RIC8B: variants seen among roughly 807,000 people sequenced by gnomAD.
The protein encoded by RIC8B is chaperone Ric-8B.
A neutral mutation model predicts 57.5 loss-of-function variants in RIC8B; 16 were observed. The observed-to-expected ratio is 0.28, with a 90% CI of 0.19 to 0.42. The LOEUF (loss-of-function observed/expected upper bound fraction) is 0.42, where lower values mean the gene tolerates loss of function less well. Among genes scored for constraint, RIC8B ranks in the 10% least tolerant of loss-of-function variants. The pLI, the probability that RIC8B is intolerant of heterozygous loss-of-function variation, is 1.00. For missense variants in RIC8B, 481 were observed against 677.0 expected, an observed-to-expected ratio of 0.71 and a Z score of 3.21; for synonymous variants, 216 against 250.8, an observed-to-expected ratio of 0.86 and a Z score of 1.31.
At chr12:106,783,898 A>G (rs2043879963) in intron 1 of RIC8B, 99 bp from the exon 2 acceptor site, 2 of 1,101,478 alleles carry the variant, frequency 1.8e-6, no homozygotes, top group Admixed American at 2.1e-5. Flanking sequence ...GGAAGGCAAC[A>G]TTTTTTACAG....
chr12:106,821,922 C>A (rs2045859929), intron 3 of RIC8B, among the ~76,000 whole-genome samples: 1 of 151,026 alleles, frequency 6.6e-6, no homozygotes, highest in Non-Finnish European at 1.5e-5. Flanking sequence ...ACTAAAAATA[C>A]AAAAAATTAG....
At chr12:106,816,750 A>G (rs1051070237) in intron 3 of RIC8B, among the ~76,000 whole-genome samples, 2 of 152,204 alleles carry the variant, frequency 1.3e-5, no homozygotes, top group Admixed American at 1.3e-4. Flanking sequence ...TATTTATGAG[A>G]TGGATGATAG....
At chr12:106,782,503 T>C (rs1368080800) in intron 1 of RIC8B, among the ~76,000 whole-genome samples, 1 of 152,216 alleles carries the variant, frequency 6.6e-6, no homozygotes, top group Admixed American at 6.5e-5. Flanking sequence ...CAAAATGTTC[T>C]ACCAGAATGC....
At chr12:106,874,602 G>A in intron 9 of RIC8B, 4 of 1,455,372 alleles carry the variant, frequency 2.7e-6, no homozygotes, top group East Asian at 2.5e-5. Context: ...TGAGCCTGGT[G>A]TAGGGTATAG....
At position 106,797,127 on chromosome 12, in the gene RIC8B, T is replaced by C. The variant is rs548567289; in HGVS notation, c.132+13083T>C. Among the ~76,000 whole-genome samples the C allele has an allele frequency of 2.0e-5, 3 of 152,292 alleles. No homozygotes were observed. In the South Asian group the frequency reaches 6.2e-4, roughly 32 times the overall value. On this transcript the variant is annotated intron_variant, in intron 2 of 9. Coordinates refer to ENST00000392837, the MANE Select transcript of RIC8B (RefSeq NM_001330145.2). ...GTGGATCCTCAAAAGGTTGAATAAT[T>C]ACCATATGACCCAGCAGTTGTACTC... is the stretch of plus-strand genomic sequence containing the variant.
chr12:106,775,399 C>T (rs1566019169), intron 1 of RIC8B: 1 of 455,910 alleles, frequency 2.2e-6, no homozygotes, highest in Non-Finnish European at 4.4e-6. Flanking sequence ...GCTGAAATCA[C>T]GCCCAAGGTC....
intron 2 of RIC8B, among the ~76,000 whole-genome samples, chr12:106,793,585 G>A (rs1007125761): frequency 1.3e-5 from 2 of 152,206 alleles, no homozygotes; most frequent in African/African-American, 2.4e-5. Context: ...GGATCTGTTT[G>A]TGGAGCAATT....
At chr12:106,806,190 G>A (rs1433825983) in intron 2 of RIC8B, among the ~76,000 whole-genome samples, 1 of 152,040 alleles carries the variant, frequency 6.6e-6, no homozygotes, top group African/African-American at 2.4e-5. Flanking sequence ...CAGGTGATCC[G>A]CCCACCTCGG....
At chr12:106,833,877 GTTCTCACTCTGTGATCACTC>G (rs1281632960) in intron 4 of RIC8B, among the ~76,000 whole-genome samples, 7 of 152,218 alleles carry the variant, frequency 4.6e-5, no homozygotes, top group Admixed American at 4.6e-4. Flanking sequence ...TAACAAGTGA[GTTCTCACTCTGTGATCACTC>G]GAGATCTAGC....
intron 2 of RIC8B, among the ~76,000 whole-genome samples, chr12:106,813,327 A>G (rs2045422821): frequency 6.6e-6 from 1 of 151,294 alleles, no homozygotes; most frequent in African/African-American, 2.4e-5. Flanking sequence ...AGTAGCTGAG[A>G]TTACAGGCAC....
At chr12:106,860,622 C>G (rs1403564178) in intron 8 of RIC8B, among the ~76,000 whole-genome samples, 1 of 152,092 alleles carries the variant, frequency 6.6e-6, no homozygotes, top group Non-Finnish European at 1.5e-5. Flanking sequence ...ATGATATTTT[C>G]AACGTACTTA....
intron 7 of RIC8B, among the ~76,000 whole-genome samples, chr12:106,859,403 A>G (rs925558968): frequency 2.6e-5 from 4 of 152,120 alleles, no homozygotes; most frequent in African/African-American, 9.6e-5. Context: ...TGTTGGCAGG[A>G]TAATACTTTC....
rs527688348 is a variant in RIC8B, at chr12:106,886,328, A to G, written c.*313A>G. ...GTTGAATCTGGCAATTCTTTTTGCC[A>G]AGATCCCTAGCAGAAGATTTAGCCA... On this transcript the variant is annotated 3_prime_UTR_variant, in exon 10 of 10. Coordinates refer to ENST00000392837, the MANE Select transcript of RIC8B (RefSeq NM_001330145.2). The G allele has an allele frequency of 1.6e-5, 4 of 242,542 alleles. No individual in the cohort carries two copies. The South Asian group carries it at 2.8e-4, about 17-fold the overall frequency. The allele number at this position is 242,542 out of a possible 1,614,324, so 15.0% of individuals were successfully genotyped here.
chr12:106,860,432 T>A lies in RIC8B; in HGVS notation c.1451+20T>A. The A allele has an allele frequency of 6.6e-7, 1 of 1,508,668 alleles. No homozygotes were observed. The highest frequency in any genetic ancestry group is 8.9e-7 in the Non-Finnish European group (1 of 1,123,970). 93.5% of individuals were successfully genotyped at this position (1,508,668 alleles called of 1,614,324 possible). Reference sequence around the variant, plus strand: ...ACCAAAGTATAGTATCAAATTTCTTTTCACCTAACTATGGCTGTGCCTTTG... The same window carrying A: ...ACCAAAGTATAGTATCAAATTTCTTATCACCTAACTATGGCTGTGCCTTTG... On this transcript the variant is annotated intron_variant, in intron 8 of 9. Transcript: ENST00000392837.
chr12:106,794,056 T>C (rs1295109925), intron 2 of RIC8B, among the ~76,000 whole-genome samples: 3 of 152,000 alleles, frequency 2.0e-5, no homozygotes, highest in Non-Finnish European at 2.9e-5. Flanking sequence ...ATTAAAGAAG[T>C]AACAGATGTA....
rs1199600883 is a variant in RIC8B at position 106,802,811 on chromosome 12, T to C, written c.133-11885T>C. On this transcript the variant is annotated intron_variant, in intron 2 of 9. Coordinates refer to ENST00000392837, the MANE Select transcript of RIC8B (RefSeq NM_001330145.2). ...CCTTAAGCAAATCATTTAGCCTATC[T>C]GGGAGTCAGTTTTCATATCTATAAA... Among the ~76,000 whole-genome samples the C allele has an allele frequency of 2.0e-5, 3 of 152,158 alleles. No homozygotes were observed. The East Asian group carries it at 5.8e-4, about 29-fold the overall frequency.
intron 1 of RIC8B, among the ~76,000 whole-genome samples, chr12:106,776,930 G>T (rs1186253227): frequency 1.3e-5 from 2 of 152,162 alleles, no homozygotes; most frequent in African/African-American, 2.4e-5. Context: ...GAGTGCACTG[G>T]TGCAATCACG....
intron 7 of RIC8B, among the ~76,000 whole-genome samples, chr12:106,853,718 C>T (rs1435683055): frequency 2.0e-5 from 3 of 151,892 alleles, no homozygotes; most frequent in Admixed American, 6.6e-5. Flanking sequence ...CTGCCCACCT[C>T]GGCCTCCCAA....
chr12:106,842,104 A>T (rs1378253229), intron 4 of RIC8B, among the ~76,000 whole-genome samples: 1 of 152,248 alleles, frequency 6.6e-6, no homozygotes, highest in East Asian at 1.9e-4. Flanking sequence ...ACATTTAGAA[A>T]GAATAAAACT....
Sources: gnomAD v4.1 joint callset for allele counts (sites outside exome capture counted in the v4.1 genomes callset) on GRCh38, gnomAD v4.1.1 for gene constraint, MANE v1.5 for transcripts, NCBI Gene and HGNC (gene_info 2026-07-23, HGNC 2026-07-21) for gene names.